NVL: variants seen among roughly 807,000 people sequenced by gnomAD.
The protein encoded by NVL is nuclear valosin-containing protein-like.
A neutral mutation model predicts 110.2 loss-of-function variants in NVL; 84 were observed. The observed-to-expected ratio is 0.76, with a 90% CI of 0.64 to 0.91. The LOEUF is 0.91. Among genes scored for constraint, NVL ranks in the 40% least tolerant of loss-of-function variants. NVL has a pLI of 0.00. For synonymous variants in NVL, 354 were observed against 361.1 expected (o/e 0.98, Z 0.22); for missense variants, 882 against 1,035.9 (o/e 0.85, Z 2.04).
At chr1:224,282,046 C>T (rs1437364212) in intron 15 of NVL, among the ~76,000 whole-genome samples, 2 of 145,558 alleles carry the variant, frequency 1.4e-5, no homozygotes, top group Admixed American at 1.4e-4. Flanking sequence ...TAACGTACAA[C>T]TTTTTTTTTT....
intron 5 of NVL, 73 bp from the exon 6 acceptor site, chr1:224,308,336 G>A: frequency 7.4e-7 from 1 of 1,343,466 alleles, no homozygotes; most frequent in Non-Finnish European, 1.0e-6. Context: ...ATTGCCTATA[G>A]TAATAAGTTT....
intron 15 of NVL, among the ~76,000 whole-genome samples, chr1:224,285,005 T>G (rs1433873012): frequency 6.6e-6 from 1 of 152,216 alleles, no homozygotes; most frequent in Non-Finnish European, 1.5e-5. Context: ...CAATATGGGA[T>G]CATTTCCATA....
At chr1:224,318,982 C>T (rs988927344) in intron 2 of NVL, among the ~76,000 whole-genome samples, 8 of 144,968 alleles carry the variant, frequency 5.5e-5, no homozygotes, top group African/African-American at 1.8e-4. Context: ...AAGCGGGACT[C>T]CGTCTCAAAA....
chr1:224,236,639 G>C (rs1001718073), intron 19 of NVL, 57 bp from the exon 20 acceptor site: 24 of 1,392,136 alleles, frequency 1.7e-5, no homozygotes, highest in Admixed American at 3.4e-5. Context: ...TGCCGGGTGC[G>C]ATGGCTCATG....
At chr1:224,231,789 G>A (rs1395292520) in intron 21 of NVL, among the ~76,000 whole-genome samples, 1 of 152,050 alleles carries the variant, frequency 6.6e-6, no homozygotes, top group East Asian at 1.9e-4. Flanking sequence ...CACTTTGGGA[G>A]GCCGAGGTGG....
intron 13 of NVL, 118 bp from the exon 14 acceptor site, chr1:224,288,111 T>G: frequency 1.4e-6 from 1 of 692,802 alleles, no homozygotes; most frequent in Non-Finnish European, 2.4e-6. Flanking sequence ...ATCCTGAACG[T>G]CTATGTATTT....
rs1667176253 is a variant in NVL, at chr1:224,289,530, C to T, written c.1529G>A (p.Gly510Glu). The T allele has an allele frequency of 6.2e-7, 1 of 1,614,244 alleles. No homozygotes were observed. Reference sequence around the variant, plus strand: ...AGTTCCCAGCCTTTCCTCCTGGACTCCTTTAGATGGCAAATCTTCCATTTC... The same window carrying T: ...AGTTCCCAGCCTTTCCTCCTGGACTTCTTTAGATGGCAAATCTTCCATTTC... ...NPEMEDLPSK[G>E]VQEERLGTEP... Residue 510 changes from glycine (G) to glutamate (E), a missense_variant, in exon 13 of 23, where the codon GGA becomes GAA. By Grantham distance (98) the Gly-to-Glu change is moderately conservative. This residue lies in a region of NVL where 416 missense variants were observed against 499.3 expected (regional missense o/e 0.83). Coordinates refer to ENST00000281701, the MANE Select transcript of NVL (RefSeq NM_002533.4).
At chr1:224,293,117 TG>T (rs1667535027) in intron 12 of NVL, among the ~76,000 whole-genome samples, 1 of 150,980 alleles carries the variant, frequency 6.6e-6, no homozygotes. Context: ...TCGCCCAGGC[TG>T]GAGTGCAGTG....
At chr1:224,294,242 C>T (rs1667652070) in intron 12 of NVL, 25 bp downstream of exon 12, 1 of 1,613,374 alleles carries the variant, frequency 6.2e-7, no homozygotes. Context: ...TAGTGGCATA[C>T]AAACTTCATT....
intron 17 of NVL, among the ~76,000 whole-genome samples, chr1:224,270,207 G>A (rs1273962906): frequency 6.6e-6 from 1 of 151,944 alleles, no homozygotes; most frequent in Non-Finnish European, 1.5e-5. Context: ...TTCTACATAA[G>A]CAAGACAAAC....
At chr1:224,294,123 C>A in intron 12 of NVL, 144 bp downstream of exon 12, 1 of 882,702 alleles carries the variant, frequency 1.1e-6, no homozygotes, top group Non-Finnish European at 1.7e-6. Context: ...TTAATGTGGG[C>A]TTCTCCTTTT....
At chr1:224,318,246 A>G (rs983012750) in intron 2 of NVL, among the ~76,000 whole-genome samples, 17 of 152,202 alleles carry the variant, frequency 1.1e-4, no homozygotes, top group African/African-American at 4.1e-4. Context: ...AAACTGCCAC[A>G]TTTACTTTAC....
chr1:224,300,753 T>A, intron 9 of NVL, 90 bp from the exon 10 acceptor site: 2 of 854,474 alleles, frequency 2.3e-6, no homozygotes, highest in Non-Finnish European at 1.8e-6. Flanking sequence ...TTTAAATAGC[T>A]AGTTTCCTGA....
intron 16 of NVL, among the ~76,000 whole-genome samples, chr1:224,276,094 G>C (rs1017962568): frequency 6.6e-6 from 1 of 152,158 alleles, no homozygotes; most frequent in East Asian, 1.9e-4. Flanking sequence ...AAAGCTACAT[G>C]TAAGGATTAT....
At chr1:224,325,720 C>T (rs1015367948) in intron 2 of NVL, among the ~76,000 whole-genome samples, 7 of 152,088 alleles carry the variant, frequency 4.6e-5, no homozygotes, top group South Asian at 2.1e-4. Context: ...GCAACAAGAG[C>T]GAAATTCTGT....
At chr1:224,273,139 G>A (rs907169716) in intron 17 of NVL, among the ~76,000 whole-genome samples, 3 of 151,958 alleles carry the variant, frequency 2.0e-5, no homozygotes, top group Non-Finnish European at 2.9e-5. Context: ...TAGGCTGGGC[G>A]TGGTGGCTCA....
chr1:224,304,668 G>A (rs895749546), intron 8 of NVL, 68 bp downstream of exon 8: 1 of 1,323,418 alleles, frequency 7.6e-7, no homozygotes, highest in African/African-American at 1.5e-5. Flanking sequence ...AAACAAAGAG[G>A]TAGGCTTTTT....
chr1:224,303,959 A>C, intron 8 of NVL, 102 bp from the exon 9 acceptor site: 1 of 1,283,298 alleles, frequency 7.8e-7, no homozygotes, highest in Non-Finnish European at 1.0e-6. Context: ...GATAGGTAGA[A>C]TATACACCTT....
chr1:224,271,634 A>G (rs1665114295), intron 17 of NVL, among the ~76,000 whole-genome samples: 1 of 151,996 alleles, frequency 6.6e-6, no homozygotes, highest in Non-Finnish European at 1.5e-5. Context: ...ACGGAGGAGA[A>G]TGGAAAGAAA....
Sources: allele counts gnomAD v4.1 joint callset (sites outside exome capture counted in the v4.1 genomes callset), GRCh38; gene constraint gnomAD v4.1.1; regional missense constraint gnomAD v4.1.1; transcripts MANE v1.5; gene names NCBI Gene and HGNC (gene_info 2026-07-23, HGNC 2026-07-21).